The following ADARB2 variants were observed in gnomAD, a reference collection of about 807,000 sequenced individuals.
ADARB2 encodes the protein adenosine deaminase RNA specific B2 (inactive), also known as inactive double-stranded RNA-specific editase B2.
ADARB2 carries 25 observed loss-of-function variants against 62.2 expected under a neutral mutation model. The observed-to-expected ratio is 0.40, with a 90% CI of 0.29 to 0.56. ADARB2 has a LOEUF of 0.56. ADARB2 is among the 20% of genes least tolerant of loss of function. The probability of loss-of-function intolerance (pLI) is 0.43; values close to 1 mark genes in which losing one functional copy is unlikely to be tolerated. For synonymous variants in ADARB2, 572 were observed against 500.8 expected (o/e 1.14, Z -1.90); for missense variants, 1,071 against 1,077.4 (o/e 0.99, Z 0.08).
At chr10:1,510,164 C>CT (rs751656743) in intron 1 of ADARB2, among the ~76,000 whole-genome samples, 1 of 89,740 alleles carries the variant, frequency 1.1e-5, no homozygotes, top group African/African-American at 4.2e-5. Context: ...TTCTTTCTTT[C>CT]TTTCTTTTTC....
chr10:1,395,989 C>T (rs746584421), intron 1 of ADARB2, among the ~76,000 whole-genome samples: 3 of 152,222 alleles, frequency 2.0e-5, no homozygotes, highest in Non-Finnish European at 4.4e-5. Flanking sequence ...GACTGAGCCA[C>T]ATTGTCTGCT....
chr10:1,386,445 A>G (rs868494765), intron 1 of ADARB2, among the ~76,000 whole-genome samples: 1 of 152,008 alleles, frequency 6.6e-6, no homozygotes, highest in Non-Finnish European at 1.5e-5. Flanking sequence ...ATAAAAATAT[A>G]GACAGGTTAA....
intron 5 of ADARB2, among the ~76,000 whole-genome samples, chr10:1,234,553 G>A (rs1830844645): frequency 6.7e-6 from 1 of 150,312 alleles, no homozygotes. Flanking sequence ...TGATCCTCCT[G>A]CCTCAGCCTC....
At chr10:1,319,518 A>G (rs1209797346) in intron 3 of ADARB2, among the ~76,000 whole-genome samples, 2 of 152,234 alleles carry the variant, frequency 1.3e-5, no homozygotes, top group African/African-American at 4.8e-5. Flanking sequence ...TATTCAGATA[A>G]TAGCTATGGA....
intron 3 of ADARB2, among the ~76,000 whole-genome samples, chr10:1,306,449 A>G (rs1831630044): frequency 1.3e-5 from 2 of 152,124 alleles, no homozygotes; most frequent in African/African-American, 2.4e-5. Flanking sequence ...GCTCATGGGT[A>G]GGAAGAATCA....
intron 1 of ADARB2, among the ~76,000 whole-genome samples, chr10:1,414,627 C>G (rs1039073992): frequency 6.6e-6 from 1 of 152,250 alleles, no homozygotes; most frequent in Non-Finnish European, 1.5e-5. Context: ...TTCTCATCAC[C>G]TGTTTCTTTG....
chr10:1,731,865 T>G (rs1835237453), intron 1 of ADARB2, among the ~76,000 whole-genome samples: 1 of 152,200 alleles, frequency 6.6e-6, no homozygotes, highest in South Asian at 2.1e-4. Context: ...TTGGCATTCA[T>G]TCACCTTTAT....
chr10:1,473,307 T>G (rs1249671657), intron 1 of ADARB2, among the ~76,000 whole-genome samples: 2 of 152,358 alleles, frequency 1.3e-5, no homozygotes, highest in East Asian at 3.9e-4. Flanking sequence ...GAATTGAGGT[T>G]GCCTGCCACA....
chr10:1,577,586 C>T (rs1027330959), intron 1 of ADARB2, among the ~76,000 whole-genome samples: 7 of 152,210 alleles, frequency 4.6e-5, no homozygotes, highest in Admixed American at 6.5e-5. Context: ...CAGCTGTGAA[C>T]GTGCCAGGCT....
At chr10:1,551,778 G>C (rs978740495) in intron 1 of ADARB2, among the ~76,000 whole-genome samples, 1 of 152,298 alleles carries the variant, frequency 6.6e-6, no homozygotes, top group East Asian at 1.9e-4. Context: ...CCAAATCGAA[G>C]GTCCTGCCGG....
At chr10:1,576,917 G>C (rs1415741319) in intron 1 of ADARB2, among the ~76,000 whole-genome samples, 1 of 152,188 alleles carries the variant, frequency 6.6e-6, no homozygotes, top group Admixed American at 6.5e-5. Context: ...TCTGGTCTTG[G>C]AGGCAGTGAG....
intron 1 of ADARB2, among the ~76,000 whole-genome samples, chr10:1,407,072 G>A (rs569371497): frequency 7.2e-5 from 11 of 152,216 alleles, no homozygotes; most frequent in Non-Finnish European, 1.6e-4. Flanking sequence ...TTATTTTTAC[G>A]ACCTTGCATT....
intron 1 of ADARB2, among the ~76,000 whole-genome samples, chr10:1,539,345 C>T (rs1832380017): frequency 1.3e-5 from 2 of 152,336 alleles, no homozygotes; most frequent in Middle Eastern, 3.4e-3. Context: ...GTTAGGCACT[C>T]ACTCCACAGC....
chr10:1,429,593 A>G (rs1045419655), intron 1 of ADARB2, among the ~76,000 whole-genome samples: 1 of 152,226 alleles, frequency 6.6e-6, no homozygotes, highest in Non-Finnish European at 1.5e-5. Flanking sequence ...TCTTTCCATG[A>G]GAAGCAGTCT....
At chr10:1,643,364 C>T (rs117897267) in intron 1 of ADARB2, among the ~76,000 whole-genome samples, 3 of 152,318 alleles carry the variant, frequency 2.0e-5, no homozygotes, top group East Asian at 1.9e-4. Context: ...CATTTTTCCC[C>T]GCACTCACTT....
At chr10:1,441,385 T>C (rs1011553291) in intron 1 of ADARB2, among the ~76,000 whole-genome samples, 4 of 152,224 alleles carry the variant, frequency 2.6e-5, no homozygotes, top group Non-Finnish European at 5.9e-5. Flanking sequence ...GAAGAGTTAG[T>C]GTGGTTAATC....
Position 1,363,381 on chromosome 10 carries a change from CG to C in ADARB2, c.723del (p.Asp243ThrfsTer41). ...APRPGLAGGRPGDAALLSAAY... is the reference protein window; with the variant it reads ...APRPGLAGGRXGDAALLSAAY... ...GCCGCGGACAGAAGCGCGGCGTCCC[CG>C]GGGCGGCCTCCCGCGAGTCCGGGGC... On this transcript the variant is annotated frameshift_variant, in exon 3 of 10. Transcript: ENST00000381312. LOFTEE classifies it high-confidence loss of function. 1 of 1,330,482 alleles carries C rather than the reference CG, an allele frequency of 7.5e-7. No homozygotes were observed. The highest frequency in any genetic ancestry group is 9.6e-7 in the Non-Finnish European group (1 of 1,039,670). 82.4% of individuals were successfully genotyped at this position (1,330,482 alleles called of 1,614,324 possible). A position where few individuals can be genotyped will look rare whatever the true frequency, so the allele number is the denominator to read the frequency against.
intron 1 of ADARB2, among the ~76,000 whole-genome samples, chr10:1,584,850 T>G (rs543776888): frequency 6.6e-6 from 1 of 152,300 alleles, no homozygotes; most frequent in African/African-American, 2.4e-5. Flanking sequence ...AAAGACCATC[T>G]GAAAAGGCTA....
At chr10:1,574,465 A>G (rs1294793357) in intron 1 of ADARB2, among the ~76,000 whole-genome samples, 1 of 152,174 alleles carries the variant, frequency 6.6e-6, no homozygotes, top group African/African-American at 2.4e-5. Flanking sequence ...GGAAAGCACC[A>G]CAGAGAACAG....
Sources: gnomAD v4.1 joint callset for allele counts (sites outside exome capture counted in the v4.1 genomes callset) on GRCh38, gnomAD v4.1.1 for gene constraint, MANE v1.5 for transcripts, NCBI Gene and HGNC (gene_info 2026-07-23, HGNC 2026-07-21) for gene names.